AFF3: variants seen among roughly 807,000 people sequenced by gnomAD.
The protein encoded by AFF3 is AF4/FMR2 family member 3.
A neutral mutation model predicts 129.7 loss-of-function variants in AFF3; 32 were observed. The observed-to-expected ratio is 0.25, with a 90% confidence interval of 0.19 to 0.33. The LOEUF is 0.33. Ranked by LOEUF, AFF3 falls within the 10% of genes least tolerant of loss-of-function variation. AFF3 has a pLI of 1.00. For synonymous variants in AFF3, 644 were observed against 635.4 expected, an observed-to-expected ratio of 1.01 and a Z score of -0.20; for missense variants, 1,373 against 1,592.0, an observed-to-expected ratio of 0.86 and a Z score of 2.34.
chr2:100,037,773 A>G, intron 4 of AFF3, among the ~76,000 whole-genome samples: 1 of 134,360 alleles, frequency 7.4e-6, no homozygotes, highest in Non-Finnish European at 1.5e-5. Context: ...TAATAAATAT[A>G]TTTATTTTTA....
chr2:99,778,444 T>C (rs750147213), intron 8 of AFF3, among the ~76,000 whole-genome samples: 6 of 152,184 alleles, frequency 3.9e-5, no homozygotes, highest in Admixed American at 2.6e-4. Flanking sequence ...TATTCATGCA[T>C]AAGCACACCA....
In AFF3 at chr2:99,547,063, T is replaced by C. The variant is rs1674098508; in HGVS notation, c.*4411A>G. On this transcript the variant is annotated 3_prime_UTR_variant, in exon 25 of 25. Transcript: ENST00000672756. Reference sequence around the variant, plus strand: ...AAACATACTTCTTTTCCATGAAAAATGTCAGACTTCATACTGATAATCTGT... The same window carrying C: ...AAACATACTTCTTTTCCATGAAAAACGTCAGACTTCATACTGATAATCTGT... The C allele has an allele frequency of 4.6e-6, 1 of 219,694 alleles. No homozygotes were observed. The highest frequency in any genetic ancestry group is 1.8e-4 in the South Asian group (1 of 5,420). The allele number at this position is 219,694 out of a possible 1,614,324, so 13.6% of individuals were successfully genotyped here. A position where few individuals can be genotyped will look rare whatever the true frequency, so the allele number is the denominator to read the frequency against.
intron 8 of AFF3, among the ~76,000 whole-genome samples, chr2:99,785,013 G>A (rs989429693): frequency 3.5e-4 from 53 of 152,276 alleles, no homozygotes; most frequent in African/African-American, 1.3e-3. Flanking sequence ...ACCATTGCAT[G>A]TTGCTGAGTG....
intron 8 of AFF3, among the ~76,000 whole-genome samples, chr2:99,802,693 CTTTTT>C (rs57516339): frequency 4.1e-5 from 5 of 122,540 alleles, no homozygotes; most frequent in Admixed American, 8.1e-5. Context: ...CCTAGGGTGT[CTTTTT>C]TTTTTTTTTT....
At chr2:99,800,710 G>A (rs762294037) in intron 8 of AFF3, among the ~76,000 whole-genome samples, 22 of 152,116 alleles carry the variant, frequency 1.4e-4, no homozygotes, top group South Asian at 2.1e-4. Context: ...AACAAATTTT[G>A]TTATGTCCAT....
At position 99,707,275 on chromosome 2, in the gene AFF3, C is replaced by T. The variant is rs1195542206; in HGVS notation, c.1091+19802G>A. On this transcript the variant is annotated intron_variant, in intron 11 of 24. Transcript: ENST00000672756. ...TGTCCAAGATTAAAGGAAGAGCCTT[C>T]TTGCTTTTAGTAATTTGTCTGGTTA... The T allele has an allele frequency of 1.8e-5, 18 of 985,250 alleles. No homozygotes were observed. In the Admixed American group the frequency reaches 5.5e-4, roughly 30 times the overall value. 61.0% of individuals were successfully genotyped at this position (985,250 alleles called of 1,614,324 possible).
At chr2:99,867,007 TA>T (rs1576227007) in intron 7 of AFF3, among the ~76,000 whole-genome samples, 1 of 131,590 alleles carries the variant, frequency 7.6e-6, no homozygotes, top group Admixed American at 7.8e-5. Context: ...TAATAAAAAA[TA>T]AATAAAATAA....
chr2:99,596,056 G>T (rs1321012935), intron 14 of AFF3, among the ~76,000 whole-genome samples: 1 of 152,224 alleles, frequency 6.6e-6, no homozygotes, highest in Admixed American at 6.5e-5. Flanking sequence ...TGGGGAAGGG[G>T]GGACCCCCTG....
rs1468772097 is a variant in AFF3 at position 99,771,417 on chromosome 2, A to G, written c.922-19116T>C. 4.8e-4 allele frequency among the ~76,000 whole-genome samples: 73 copies of G among 152,050 alleles called. 2 individuals carry two copies. Among genetic ancestry groups the G allele is most frequent in the Middle Eastern group, 3.4e-3 (1 of 294 alleles). On this transcript the variant is annotated intron_variant, in intron 8 of 24. Transcript: ENST00000672756. ...CAGAACTTAAAAAATGAAGAAGAAA[A>G]AAAAAAAAAAACCAGAGCAATTCAC...
At chr2:100,036,179 T>A (rs548588125) in intron 4 of AFF3, among the ~76,000 whole-genome samples, 1 of 147,800 alleles carries the variant, frequency 6.8e-6, no homozygotes, top group African/African-American at 2.5e-5. Flanking sequence ...TCAAAGTCTT[T>A]CCTGGCAACA....
chr2:99,783,046 C>G (rs1056987465), intron 8 of AFF3, among the ~76,000 whole-genome samples: 3 of 152,174 alleles, frequency 2.0e-5, no homozygotes, highest in African/African-American at 7.2e-5. Flanking sequence ...CCAGGCTGGA[C>G]TTATCTTTTC....
At chr2:100,142,107 C>T (rs571163687) in intron 1 of AFF3, among the ~76,000 whole-genome samples, 2 of 152,144 alleles carry the variant, frequency 1.3e-5, no homozygotes, top group South Asian at 4.2e-4. Context: ...TAATGAGCAA[C>T]ATGAGGTTAA....
At chr2:99,934,510 A>G (rs1479546688) in intron 7 of AFF3, among the ~76,000 whole-genome samples, 1 of 152,218 alleles carries the variant, frequency 6.6e-6, no homozygotes, top group Non-Finnish European at 1.5e-5. Context: ...AGCCAATGAC[A>G]TGTAAAGCAA....
chr2:99,826,284 G>A (rs755539018), intron 8 of AFF3, among the ~76,000 whole-genome samples: 15 of 152,168 alleles, frequency 9.9e-5, no homozygotes, highest in Non-Finnish European at 1.5e-4. Context: ...CAAATGCTGG[G>A]ATTACAGGCG....
At chr2:100,041,416 G>A (rs1685421020) in intron 4 of AFF3, among the ~76,000 whole-genome samples, 1 of 152,180 alleles carries the variant, frequency 6.6e-6, no homozygotes, top group Admixed American at 6.5e-5. Context: ...TCAATGTTCT[G>A]TGTTCAGATG....
At chr2:100,106,922 A>G (rs1337683753) in intron 2 of AFF3, 1 of 985,486 alleles carries the variant, frequency 1.0e-6, no homozygotes, top group Non-Finnish European at 1.2e-6. Context: ...GGGTTTACTC[A>G]TGAAAGGCCT....
intron 8 of AFF3, among the ~76,000 whole-genome samples, chr2:99,784,943 G>A (rs1684683194): frequency 6.6e-6 from 1 of 152,154 alleles, no homozygotes; most frequent in Admixed American, 6.5e-5. Flanking sequence ...TTGCTACCGT[G>A]GCTGGCGTGT....
intron 7 of AFF3, among the ~76,000 whole-genome samples, chr2:99,975,286 G>A (rs902931495): frequency 6.6e-6 from 1 of 152,160 alleles, no homozygotes; most frequent in African/African-American, 2.4e-5. Context: ...AATTGGGGTA[G>A]AATTAGATAT....
chr2:99,877,168 T>C (rs755662268), intron 7 of AFF3, among the ~76,000 whole-genome samples: 3 of 152,150 alleles, frequency 2.0e-5, no homozygotes, highest in Non-Finnish European at 2.9e-5. Context: ...AGGACAATCA[T>C]GGGAATCAGC....
Sources: gnomAD v4.1 joint callset for allele counts (sites outside exome capture counted in the v4.1 genomes callset) on GRCh38, gnomAD v4.1.1 for gene constraint, MANE v1.5 for transcripts, NCBI Gene and HGNC (gene_info 2026-07-23, HGNC 2026-07-21) for gene names.